Variants in DYNC1LI1 observed in about 807,000 individuals in gnomAD.
DYNC1LI1 encodes dynein cytoplasmic 1 light intermediate chain 1.
A neutral mutation model predicts 63.8 loss-of-function variants in DYNC1LI1; 19 were observed. The ratio of observed to expected loss-of-function variants is 0.30; its 90% CI spans 0.21 to 0.44. The LOEUF is 0.44. Ranked by LOEUF, DYNC1LI1 falls within the 20% of genes least tolerant of loss-of-function variation. The probability of loss-of-function intolerance (pLI) is 1.00; values close to 1 mark genes in which losing one functional copy is unlikely to be tolerated. For synonymous variants in DYNC1LI1, 225 were observed against 232.3 expected (o/e 0.97, Z 0.28); for missense variants, 565 against 630.2 (o/e 0.90, Z 1.11).
intron 2 of DYNC1LI1, among the ~76,000 whole-genome samples, chr3:32,558,403 TAAAAAAAAAAAA>T (rs533076265): frequency 5.5e-5 from 5 of 90,392 alleles, no homozygotes; most frequent in African/African-American, 1.8e-4. Context: ...TTTAAAAATG[TAAAAAAAAAAAA>T]AAAAAAAAAA....
rs139277146 is a variant in DYNC1LI1 at position 32,532,911 on chromosome 3, T to A, written c.1080+75A>T. On this transcript the variant is annotated intron_variant, in intron 8 of 12. Transcript: ENST00000273130. ...AAAGGACATTTTTGCCTTTCTACAT[T>A]TAATTTTAAAGTATGGAATTCCCCT... 681 of 1,438,276 alleles carry A rather than the reference T, an allele frequency of 4.7e-4. 7 individuals carry two copies. In the African/African-American group the frequency reaches 8.0e-3, roughly 17 times the overall value. 89.1% of individuals were successfully genotyped at this position (1,438,276 alleles called of 1,614,324 possible). A position where few individuals can be genotyped will look rare whatever the true frequency, so the allele number is the denominator to read the frequency against.
chr3:32,542,159 A>G (rs1697890550), intron 4 of DYNC1LI1, among the ~76,000 whole-genome samples: 1 of 152,230 alleles, frequency 6.6e-6, no homozygotes, highest in African/African-American at 2.4e-5. Flanking sequence ...TCTGTCACCC[A>G]TGCTGGAGTG....
Position 32,545,015 on chromosome 3 carries a change from A to T in DYNC1LI1, c.429T>A (p.Asp143Glu). Residue 143 changes from aspartate to glutamate, a missense_variant, in exon 4 of 13, where the codon GAT becomes GAA. Coordinates refer to ENST00000273130, the MANE Select transcript of DYNC1LI1 (RefSeq NM_016141.4). ...KFSLDAVSLK[D>E]TLVMLVVDMS... ...TGTCAACAACCAGCATAACTAGAGT[A>T]TCCTTCAGAGATACGGCATCCAGTG... 1 of 1,614,100 alleles carries T rather than the reference A, an allele frequency of 6.2e-7. No individual in the cohort carries two copies. The highest frequency in any genetic ancestry group is 8.5e-7 in the Non-Finnish European group (1 of 1,179,954).
intron 5 of DYNC1LI1, among the ~76,000 whole-genome samples, chr3:32,537,918 A>G (rs1697800347): frequency 3.7e-5 from 1 of 27,368 alleles, no homozygotes; most frequent in Non-Finnish European, 6.1e-5. Context: ...TATATAATTT[A>G]TATATATAAT....
At chr3:32,530,428 C>T (rs1228580362) in intron 9 of DYNC1LI1, 33 bp downstream of exon 9, 2 of 1,608,306 alleles carry the variant, frequency 1.2e-6, no homozygotes, top group African/African-American at 2.7e-5. Flanking sequence ...ACCCATTAAC[C>T]ATACTAAGTC....
intron 2 of DYNC1LI1, among the ~76,000 whole-genome samples, chr3:32,565,960 G>C (rs1698253709): frequency 6.6e-6 from 1 of 152,102 alleles, no homozygotes; most frequent in African/African-American, 2.4e-5. Context: ...GTAACCCTAG[G>C]ACAATTTACT....
intron 10 of DYNC1LI1, 62 bp downstream of exon 10, chr3:32,530,222 A>G: frequency 2.2e-6 from 3 of 1,370,032 alleles, no homozygotes; most frequent in Non-Finnish European, 3.0e-6. Context: ...ATAATTAATA[A>G]AAAATAACTA....
intron 2 of DYNC1LI1, among the ~76,000 whole-genome samples, chr3:32,561,898 G>A (rs1698200199): frequency 2.0e-5 from 3 of 150,926 alleles, no homozygotes; most frequent in Admixed American, 2.0e-4. Flanking sequence ...CATGGTACAT[G>A]ACATTAAAAA....
At chr3:32,533,903 G>A (rs1390831179) in intron 7 of DYNC1LI1, among the ~76,000 whole-genome samples, 1 of 136,260 alleles carries the variant, frequency 7.3e-6, no homozygotes, top group Non-Finnish European at 1.5e-5. Context: ...TTGAAATGGA[G>A]TCTCGATCTG....
intron 12 of DYNC1LI1, among the ~76,000 whole-genome samples, chr3:32,527,807 G>T (rs114965769): frequency 0.019 from 2,835 of 152,166 alleles, 42 homozygotes; most frequent in Non-Finnish European, 0.028. Flanking sequence ...GCCATATAAT[G>T]AAATATTATT....
At chr3:32,531,820 T>C (rs1463854313) in intron 8 of DYNC1LI1, 1 of 152,198 alleles carries the variant, frequency 6.6e-6, no homozygotes, top group Non-Finnish European at 1.5e-5. Flanking sequence ...TGAGAACTAC[T>C]ACAAGTTGAG....
At chr3:32,553,409 C>G (rs1028802056) in intron 2 of DYNC1LI1, among the ~76,000 whole-genome samples, 37 of 152,108 alleles carry the variant, frequency 2.4e-4, no homozygotes, top group African/African-American at 8.7e-4. Context: ...AAAATTGATC[C>G]AAGTTTCACA....
chr3:32,541,196 G>A lies in DYNC1LI1; in HGVS notation c.579C>T (p.Asp193=). ...CTCCTGGCTCTACATATTCTTGGAA[G>A]TCTCTAATCACTGAAAATCAAAGTA... is the stretch of plus-strand genomic sequence containing the variant. ...MKQMEQKLIR[D]FQEYVEPGED... Residue 193 remains aspartate, a synonymous_variant, in exon 5 of 13, where the codon GAC becomes GAT. Coordinates refer to ENST00000273130, the MANE Select transcript of DYNC1LI1 (RefSeq NM_016141.4). The A allele has an allele frequency of 6.3e-7, 1 of 1,586,990 alleles. No homozygotes were observed. The highest frequency in any genetic ancestry group is 8.6e-7 in the Non-Finnish European group (1 of 1,166,734).
At chr3:32,562,886 G>A (rs1575160475) in intron 2 of DYNC1LI1, among the ~76,000 whole-genome samples, 4 of 152,072 alleles carry the variant, frequency 2.6e-5, no homozygotes, top group South Asian at 4.1e-4. Context: ...GACTCCTTCC[G>A]CCATATCTAA....
At chr3:32,559,058 C>CT (rs113088362) in intron 2 of DYNC1LI1, among the ~76,000 whole-genome samples, 21,840 of 141,584 alleles carry the variant, frequency 0.15, 1,755 homozygotes, top group Middle Eastern at 0.22. Context: ...ATTACTACTA[C>CT]TTTTTTTTTT....
chr3:32,539,601 T>C (rs762306608), intron 5 of DYNC1LI1, among the ~76,000 whole-genome samples: 3 of 152,016 alleles, frequency 2.0e-5, no homozygotes, highest in Non-Finnish European at 4.4e-5. Context: ...AGTGGCGCAA[T>C]CTCAGCTCAC....
chr3:32,544,562 G>A (rs1346477268), intron 4 of DYNC1LI1, among the ~76,000 whole-genome samples: 2 of 152,148 alleles, frequency 1.3e-5, no homozygotes, highest in Non-Finnish European at 2.9e-5. Flanking sequence ...GAGGTCAGGA[G>A]TGCGAGACCA....
chr3:32,542,565 G>T (rs760557523), intron 4 of DYNC1LI1, among the ~76,000 whole-genome samples: 1 of 151,902 alleles, frequency 6.6e-6, no homozygotes, highest in Non-Finnish European at 1.5e-5. Flanking sequence ...CCACCACCAC[G>T]CCTGGCTAAT....
In DYNC1LI1 at chr3:32,545,932, CTTA is replaced by C. The variant is rs1697946254; in HGVS notation, c.251_253del (p.Ile84del). On this transcript the variant is annotated inframe_deletion, in exon 3 of 13. Transcript: ENST00000273130. ...ATACTCCTCTATTCCCTGAATTTTT[CTTA>C]TTAAGCTTGTTTTTCCAGCTCCATC... 6.2e-7 allele frequency: 1 copy of C among 1,612,038 alleles called. No individual in the cohort carries two copies. The highest frequency in any genetic ancestry group is 8.5e-7 in the Non-Finnish European group (1 of 1,178,764).
Sources: gnomAD v4.1 joint callset for allele counts (sites outside exome capture counted in the v4.1 genomes callset) on GRCh38, gnomAD v4.1.1 for gene constraint, MANE v1.5 for transcripts, NCBI Gene and HGNC (gene_info 2026-07-23, HGNC 2026-07-21) for gene names.